The following SLC41A3 variants were observed in gnomAD, a reference collection of about 807,000 sequenced individuals.
SLC41A3 encodes solute carrier family 41 member 3.
In SLC41A3, 44 loss-of-function variants were observed where a neutral mutation model predicts 45.4. That is an observed-to-expected ratio of 0.97 (90% CI 0.76 to 1.25). The LOEUF is 1.25. Ranked by LOEUF, SLC41A3 falls within the 50% of genes most tolerant of loss-of-function variation. SLC41A3 has a pLI of 0.00. For synonymous variants in SLC41A3, 256 were observed against 252.4 expected, an observed-to-expected ratio of 1.01 and a Z score of -0.13; for missense variants, 550 against 600.6, an observed-to-expected ratio of 0.92 and a Z score of 0.88.
chr3:126,070,144 C>T (rs1424768555), intron 1 of SLC41A3: 1 of 152,188 alleles, frequency 6.6e-6, no homozygotes, highest in Non-Finnish European at 1.5e-5. Flanking sequence ...CGAGAGAGCA[C>T]ACCAAGACCT....
At chr3:126,057,588 T>C (rs879812113) in intron 2 of SLC41A3, among the ~76,000 whole-genome samples, 2 of 152,194 alleles carry the variant, frequency 1.3e-5, no homozygotes, top group African/African-American at 2.4e-5. Flanking sequence ...GTCGCCCTAG[T>C]GGGCACGTTA....
At chr3:126,058,984 G>C (rs569421507) in intron 2 of SLC41A3, among the ~76,000 whole-genome samples, 1 of 151,968 alleles carries the variant, frequency 6.6e-6, no homozygotes, top group Non-Finnish European at 1.5e-5. Context: ...CGTACTCTCT[G>C]AACCTTCCTG....
intron 1 of SLC41A3, among the ~76,000 whole-genome samples, chr3:126,072,716 T>C (rs140118149): frequency 4.6e-5 from 7 of 152,318 alleles, no homozygotes; most frequent in East Asian, 1.9e-4. Flanking sequence ...GGAGGTGATT[T>C]CTCAAAGAAC....
chr3:126,020,164 T>C (rs1021131673), intron 6 of SLC41A3, among the ~76,000 whole-genome samples: 58 of 152,248 alleles, frequency 3.8e-4, no homozygotes, highest in African/African-American at 1.4e-3. Context: ...CCGAGCCGTG[T>C]GAGCCATGAC....
chr3:126,020,504 G>A (rs79044667), intron 6 of SLC41A3, among the ~76,000 whole-genome samples: 7,798 of 152,152 alleles, frequency 0.051, 624 homozygotes, highest in African/African-American at 0.17. Flanking sequence ...TTTTCCCGCC[G>A]TTTCCATTTT....
chr3:126,015,562 A>G lies in SLC41A3; in HGVS notation c.902T>C (p.Leu301Pro). Residue 301 changes from leucine (L) to proline (P), a missense_variant, in exon 8 of 11, where the codon CTC becomes CCC. By Grantham distance (98) the Leu-to-Pro change is moderately conservative. Transcript: ENST00000360370. ...LAMVISSFGG[L>P]ILSKTVSKQQ... ...TTTAGAAACGGTTTTGCTCAAGATG[A>G]GTCCTCCGAAACTGGGGAAATAGCA... The G allele has an allele frequency of 1.2e-6, 2 of 1,614,174 alleles. No individual in the cohort carries two copies. Among genetic ancestry groups the G allele is most frequent in the Non-Finnish European group, 1.7e-6 (2 of 1,180,010 alleles).
intron 1 of SLC41A3, among the ~76,000 whole-genome samples, chr3:126,074,023 G>A (rs1241293742): frequency 6.6e-6 from 1 of 152,080 alleles, no homozygotes; most frequent in Non-Finnish European, 1.5e-5. Flanking sequence ...GGAATGCAAA[G>A]TTGGTTCAAT....
chr3:126,056,880 G>A lies in SLC41A3; in HGVS notation c.274-5830C>T, dbSNP rs924366911. ...GGACCTCCCTCTGCCAGTCTGCCAT[G>A]GAGGCTCATGGTCCCTCTGCACCGG... On this transcript the variant is annotated intron_variant, in intron 2 of 10. Transcript: ENST00000360370. 3.4e-6 allele frequency: 4 copies of A among 1,161,388 alleles called. No homozygotes were observed. In the African/African-American group the frequency reaches 6.2e-5, roughly 18 times the overall value. 71.9% of individuals were successfully genotyped at this position (1,161,388 alleles called of 1,614,324 possible).
Position 126,033,588 on chromosome 3 carries a change from G to A in SLC41A3, c.453+19C>T, listed in dbSNP as rs146284001. 1.1e-5 allele frequency: 18 copies of A among 1,609,256 alleles called. No individual in the cohort carries two copies. The African/African-American group carries it at 1.6e-4, about 14-fold the overall frequency. On this transcript the variant is annotated intron_variant, in intron 4 of 10. Transcript: ENST00000360370. ...GGCTGCAGATTCAGAAGGGAGGGTC[G>A]GACAAGGTGAAGACTCACCTGGATG...
chr3:126,013,736 G>A (rs1939966766), intron 8 of SLC41A3, among the ~76,000 whole-genome samples: 1 of 152,156 alleles, frequency 6.6e-6, no homozygotes. Flanking sequence ...TGTGGTGCTA[G>A]GTGAGCCCCT....
intron 1 of SLC41A3, among the ~76,000 whole-genome samples, chr3:126,096,077 G>C (rs150898016): frequency 6.6e-6 from 1 of 152,222 alleles, no homozygotes; most frequent in Admixed American, 6.5e-5. Flanking sequence ...CTTGTTTTTG[G>C]ATATTGCAAA....
chr3:126,078,604 G>A (rs1023970938), intron 1 of SLC41A3, among the ~76,000 whole-genome samples: 2 of 152,220 alleles, frequency 1.3e-5, no homozygotes, highest in Admixed American at 6.5e-5. Flanking sequence ...CACAGCTACC[G>A]ATGACCTATG....
chr3:126,039,293 T>C (rs1027346548), intron 3 of SLC41A3, among the ~76,000 whole-genome samples: 4 of 152,268 alleles, frequency 2.6e-5, no homozygotes, highest in Non-Finnish European at 5.9e-5. Flanking sequence ...GTTTTCTCAC[T>C]AATGTCCTTT....
intron 2 of SLC41A3, among the ~76,000 whole-genome samples, chr3:126,058,785 G>A (rs192658220): frequency 3.3e-5 from 5 of 152,278 alleles, no homozygotes; most frequent in African/African-American, 1.2e-4. Flanking sequence ...CCTCCTTCTT[G>A]CAAGTACATG....
At chr3:126,100,038 ACTC>A (rs1945678696) in intron 1 of SLC41A3, among the ~76,000 whole-genome samples, 1 of 152,028 alleles carries the variant, frequency 6.6e-6, no homozygotes, top group Non-Finnish European at 1.5e-5. Flanking sequence ...AAAGAAATCA[ACTC>A]CTCTTTGAGC....
At chr3:126,078,398 A>T (rs1348070848) in intron 1 of SLC41A3, among the ~76,000 whole-genome samples, 1 of 152,124 alleles carries the variant, frequency 6.6e-6, no homozygotes, top group Non-Finnish European at 1.5e-5. Flanking sequence ...GGAGAGGAGG[A>T]GGACTTGGAC....
chr3:126,049,028 C>T (rs931096504), intron 3 of SLC41A3, among the ~76,000 whole-genome samples: 8 of 152,130 alleles, frequency 5.3e-5, no homozygotes, highest in African/African-American at 1.4e-4. Flanking sequence ...TGGCCAGGCG[C>T]GGTGGCTCAC....
chr3:126,014,146 A>T (rs1168546825), intron 8 of SLC41A3, among the ~76,000 whole-genome samples: 11 of 152,280 alleles, frequency 7.2e-5, no homozygotes, highest in African/African-American at 2.6e-4. Flanking sequence ...CCAGGTGTGC[A>T]CCAGTGACCT....
intron 8 of SLC41A3, 125 bp downstream of exon 8, chr3:126,015,369 G>A (rs750228851): frequency 2.4e-5 from 22 of 906,356 alleles, no homozygotes; most frequent in African/African-American, 1.6e-4. Flanking sequence ...GTCTGTCCAC[G>A]GCTCAGCTGC....
Sources: allele counts gnomAD v4.1 joint callset (sites outside exome capture counted in the v4.1 genomes callset), GRCh38; gene constraint gnomAD v4.1.1; transcripts MANE v1.5; gene names NCBI Gene and HGNC (gene_info 2026-07-23, HGNC 2026-07-21).